Variants in SLC10A7 observed in about 807,000 individuals in gnomAD.
SLC10A7 encodes sodium/bile acid cotransporter 7.
In SLC10A7, 29 loss-of-function variants were observed where a neutral mutation model predicts 43.2. The ratio of observed to expected loss-of-function variants is 0.67; its 90% CI spans 0.50 to 0.92. SLC10A7 has a LOEUF of 0.92. SLC10A7 is among the 40% of genes least tolerant of loss of function. The pLI is 0.00. For missense variants in SLC10A7, 295 were observed against 403.2 expected, an observed-to-expected ratio of 0.73 and a Z score of 2.30; for synonymous variants, 152 against 144.8, an observed-to-expected ratio of 1.05 and a Z score of -0.35.
intron 5 of SLC10A7, among the ~76,000 whole-genome samples, chr4:146,380,319 A>G (rs1474886664): frequency 6.6e-6 from 1 of 152,194 alleles, no homozygotes; most frequent in Non-Finnish European, 1.5e-5. Context: ...TGCATTCACT[A>G]GTCAGGTAAT....
At chr4:146,271,185 G>C (rs1456750394) in intron 10 of SLC10A7, among the ~76,000 whole-genome samples, 2 of 152,108 alleles carry the variant, frequency 1.3e-5, no homozygotes, top group Non-Finnish European at 2.9e-5. Context: ...ACTTCAGCCT[G>C]GATCAGGATT....
At chr4:146,447,491 C>T (rs1372048651) in intron 4 of SLC10A7, among the ~76,000 whole-genome samples, 2 of 152,124 alleles carry the variant, frequency 1.3e-5, no homozygotes, top group African/African-American at 2.4e-5. Context: ...CTAGAATGCT[C>T]CATTACAACA....
chr4:146,435,744 T>A (rs1054293545), intron 5 of SLC10A7, among the ~76,000 whole-genome samples: 3 of 152,172 alleles, frequency 2.0e-5, no homozygotes, highest in African/African-American at 7.2e-5. Flanking sequence ...ACTAAGCAGT[T>A]CTGTAGTAGG....
chr4:146,396,576 T>C (rs1281767761), intron 5 of SLC10A7, among the ~76,000 whole-genome samples: 1 of 152,086 alleles, frequency 6.6e-6, no homozygotes, highest in African/African-American at 2.4e-5. Flanking sequence ...AAATCAAATT[T>C]AGTTCAATCA....
At chr4:146,357,441 A>G (rs1735737721) in intron 5 of SLC10A7, among the ~76,000 whole-genome samples, 1 of 152,200 alleles carries the variant, frequency 6.6e-6, no homozygotes, top group Non-Finnish European at 1.5e-5. Context: ...ACTTAATACT[A>G]CAGAAAGCTT....
intron 5 of SLC10A7, among the ~76,000 whole-genome samples, chr4:146,389,025 C>T (rs1198012397): frequency 1.3e-5 from 2 of 152,106 alleles, no homozygotes; most frequent in Admixed American, 6.5e-5. Flanking sequence ...CTACAAGGAA[C>T]TCAAACAACT....
intron 5 of SLC10A7, among the ~76,000 whole-genome samples, chr4:146,393,483 T>C (rs775997304): frequency 6.6e-6 from 1 of 152,294 alleles, no homozygotes; most frequent in East Asian, 1.9e-4. Context: ...TTTGACATAA[T>C]CAGTAGCTTA....
At chr4:146,455,653 A>T (rs11736228) in intron 4 of SLC10A7, among the ~76,000 whole-genome samples, 41,875 of 151,668 alleles carry the variant, frequency 0.28, 6,022 homozygotes, top group South Asian at 0.34. Context: ...CTTACCATAG[A>T]TTCACAGAAC....
intron 5 of SLC10A7, among the ~76,000 whole-genome samples, chr4:146,423,051 TTG>T (rs1729070333): frequency 6.6e-6 from 1 of 152,200 alleles, no homozygotes; most frequent in Non-Finnish European, 1.5e-5. Flanking sequence ...ATAAGAACAA[TTG>T]TGTATAAAAA....
At chr4:146,508,481 C>G (rs1458365334) in intron 3 of SLC10A7, among the ~76,000 whole-genome samples, 1 of 152,200 alleles carries the variant, frequency 6.6e-6, no homozygotes, top group African/African-American at 2.4e-5. Flanking sequence ...TTCTCTGAAA[C>G]TAAATCTGGC....
At chr4:146,446,517 A>C (rs1731092400) in intron 4 of SLC10A7, among the ~76,000 whole-genome samples, 1 of 151,438 alleles carries the variant, frequency 6.6e-6, no homozygotes, top group Non-Finnish European at 1.5e-5. Flanking sequence ...TGGAGGTTGC[A>C]GTGAGTCGAG....
In SLC10A7 at chr4:146,422,139, AAAT is replaced by A. The variant is rs532258677; in HGVS notation, c.435+20641_435+20643del. On this transcript the variant is annotated intron_variant, in intron 5 of 11. Transcript: ENST00000335472. ...GAAAAGAGCCAAGCATACAAAGTCA[AAAT>A]AATAATAGATCAAGATCTAATTTAT... Among the ~76,000 whole-genome samples the A allele has an allele frequency of 2.6e-5, 4 of 152,366 alleles. No individual in the cohort carries two copies. The South Asian group carries it at 6.2e-4, about 24-fold the overall frequency.
At chr4:146,384,044 G>A (rs1737820890) in intron 5 of SLC10A7, among the ~76,000 whole-genome samples, 1 of 151,938 alleles carries the variant, frequency 6.6e-6, no homozygotes. Context: ...CAAAGGTATT[G>A]TATCAAATAA....
rs565460701 is a variant in SLC10A7 at position 146,484,823 on chromosome 4, A to T, written c.396+19026T>A. ...CCACAATGAAAATAAGAAATTTTAA[A>T]TTAGATCAATTCAAGAAAATAAAGC... On this transcript the variant is annotated intron_variant, in intron 4 of 11. Transcript: ENST00000335472. Among the ~76,000 whole-genome samples, 41 of 152,360 alleles carry T rather than the reference A, an allele frequency of 2.7e-4. No individual in the cohort carries two copies. The South Asian group carries it at 8.3e-3, about 31-fold the overall frequency.
At chr4:146,306,837 A>G (rs1223497995) in intron 6 of SLC10A7, among the ~76,000 whole-genome samples, 1 of 152,080 alleles carries the variant, frequency 6.6e-6, no homozygotes, top group Non-Finnish European at 1.5e-5. Context: ...TTTCTCTTTC[A>G]CAGGTTCATT....
intron 2 of SLC10A7, among the ~76,000 whole-genome samples, chr4:146,512,315 C>A (rs1351057915): frequency 6.6e-6 from 1 of 152,096 alleles, no homozygotes; most frequent in African/African-American, 2.4e-5. Context: ...CATAACTTTT[C>A]TGAAAATTAA....
At chr4:146,258,478 T>A (rs1192055623) in intron 11 of SLC10A7, among the ~76,000 whole-genome samples, 1 of 152,262 alleles carries the variant, frequency 6.6e-6, no homozygotes. Context: ...ATGTTAAGTA[T>A]AATTGTCTTT....
At chr4:146,351,236 C>T (rs1735073369) in intron 5 of SLC10A7, among the ~76,000 whole-genome samples, 1 of 149,578 alleles carries the variant, frequency 6.7e-6, no homozygotes, top group South Asian at 2.1e-4. Context: ...GTGAAGAATG[C>T]AGAAGCCTCA....
chr4:146,500,854 G>A (rs1402920129), intron 4 of SLC10A7, among the ~76,000 whole-genome samples: 1 of 152,018 alleles, frequency 6.6e-6, no homozygotes, highest in Admixed American at 6.6e-5. Flanking sequence ...AAACCACTGT[G>A]GTCAGGCTGC....
Sources: allele counts gnomAD v4.1 joint callset (sites outside exome capture counted in the v4.1 genomes callset), GRCh38; gene constraint gnomAD v4.1.1; transcripts MANE v1.5; gene names NCBI Gene and HGNC (gene_info 2026-07-23, HGNC 2026-07-21).